The following CTNNA2 variants were observed in gnomAD, a reference collection of about 807,000 sequenced individuals.
CTNNA2 encodes catenin alpha-2.
Under a neutral mutation model 101.0 loss-of-function variants are expected in CTNNA2, and 42 were observed. The ratio of observed to expected loss-of-function variants is 0.42; its 90% CI spans 0.32 to 0.54. The LOEUF (loss-of-function observed/expected upper bound fraction) is 0.54. Ranked by LOEUF, CTNNA2 falls within the 20% of genes least tolerant of loss-of-function variation. The pLI, the probability that CTNNA2 is intolerant of heterozygous loss-of-function variation, is 0.14. For missense variants in CTNNA2, 871 were observed against 1,223.1 expected (o/e 0.71, Z 4.29); for synonymous variants, 450 against 456.4 (o/e 0.99, Z 0.18).
At chr2:79,597,788 T>G (rs1677298325) in intron 1 of CTNNA2, among the ~76,000 whole-genome samples, 2 of 152,176 alleles carry the variant, frequency 1.3e-5, no homozygotes, top group Non-Finnish European at 2.9e-5. Context: ...GATGCCCTAT[T>G]ATCATCCAAG....
chr2:79,593,966 G>T (rs532357783), intron 1 of CTNNA2, among the ~76,000 whole-genome samples: 1 of 124,548 alleles, frequency 8.0e-6, no homozygotes, highest in African/African-American at 3.1e-5. Context: ...TCAGCTCATT[G>T]CCACCTCGGC....
intron 4 of CTNNA2, among the ~76,000 whole-genome samples, chr2:79,409,782 G>T (rs1678386920): frequency 1.4e-5 from 2 of 144,920 alleles, no homozygotes; most frequent in African/African-American, 5.1e-5. Context: ...TGGTGATGCG[G>T]GCTCTTTTTT....
intron 7 of CTNNA2, among the ~76,000 whole-genome samples, chr2:79,965,649 C>G (rs188035462): frequency 6.6e-6 from 1 of 151,674 alleles, no homozygotes; most frequent in Non-Finnish European, 1.5e-5. Context: ...CATAGAGAAA[C>G]GCTGTCTCTA....
chr2:79,706,315 A>G (rs1013670164), intron 2 of CTNNA2, among the ~76,000 whole-genome samples: 12 of 146,000 alleles, frequency 8.2e-5, no homozygotes, highest in African/African-American at 3.1e-4. Context: ...GTGAGCCGAG[A>G]TCACGCCACT....
At chr2:80,269,965 G>T (rs1019056321) in intron 7 of CTNNA2, among the ~76,000 whole-genome samples, 22 of 152,174 alleles carry the variant, frequency 1.4e-4, no homozygotes, top group Non-Finnish European at 2.2e-4. Flanking sequence ...AACCTAGCAG[G>T]AGTCTCACCT....
At chr2:80,196,761 G>C (rs1004202840) in intron 7 of CTNNA2, among the ~76,000 whole-genome samples, 1 of 152,074 alleles carries the variant, frequency 6.6e-6, no homozygotes, top group Non-Finnish European at 1.5e-5. Context: ...ATAATTTTCT[G>C]TTCTCTCGTT....
chr2:79,220,556 G>A (rs1674328835), intron 2 of CTNNA2, among the ~76,000 whole-genome samples: 1 of 152,080 alleles, frequency 6.6e-6, no homozygotes, highest in South Asian at 2.1e-4. Flanking sequence ...CAAGTGAGAA[G>A]GGCCAGATGG....
At chr2:79,704,773 A>G (rs1225095992) in intron 2 of CTNNA2, among the ~76,000 whole-genome samples, 1 of 152,038 alleles carries the variant, frequency 6.6e-6, no homozygotes, top group Non-Finnish European at 1.5e-5. Context: ...TCGGCCTCCC[A>G]AAGTGTTCAC....
intron 4 of CTNNA2, among the ~76,000 whole-genome samples, chr2:79,423,893 CT>C: frequency 6.6e-6 from 1 of 152,108 alleles, no homozygotes; most frequent in Middle Eastern, 3.2e-3. Flanking sequence ...AGAACTCTGT[CT>C]TTCCTACTTG....
intron 9 of CTNNA2, among the ~76,000 whole-genome samples, chr2:80,529,820 A>C (rs999795561): frequency 1.3e-5 from 2 of 152,172 alleles, no homozygotes; most frequent in Non-Finnish European, 2.9e-5. Context: ...CCATTCACCC[A>C]GACTGATTCA....
chr2:79,289,369 A>T (rs1573038191), intron 2 of CTNNA2, among the ~76,000 whole-genome samples: 1 of 152,192 alleles, frequency 6.6e-6, no homozygotes, highest in East Asian at 1.9e-4. Context: ...ACAACAAAAG[A>T]TGTGAGTGTT....
chr2:79,961,548 C>T (rs62139975), intron 7 of CTNNA2, among the ~76,000 whole-genome samples: 23,807 of 152,162 alleles, frequency 0.16, 2,063 homozygotes, highest in Middle Eastern at 0.29. Context: ...CCCGGCCTGG[C>T]GTGGTGGCTC....
intron 1 of CTNNA2, among the ~76,000 whole-genome samples, chr2:79,638,632 T>A (rs2104404930): frequency 6.6e-6 from 1 of 152,332 alleles, no homozygotes; most frequent in East Asian, 1.9e-4. Flanking sequence ...TTAGATCCAG[T>A]GAATCAGCCA....
At chr2:80,484,806 A>G (rs1573005173) in intron 9 of CTNNA2, among the ~76,000 whole-genome samples, 1 of 152,128 alleles carries the variant, frequency 6.6e-6, no homozygotes, top group East Asian at 1.9e-4. Context: ...GGAGATCGAG[A>G]CCATCCTGGC....
chr2:80,544,520 C>T (rs969836586), intron 9 of CTNNA2, among the ~76,000 whole-genome samples: 2 of 151,984 alleles, frequency 1.3e-5, no homozygotes, highest in African/African-American at 2.4e-5. Context: ...TCAGGCAGAT[C>T]GGGTATTTTG....
At chr2:80,272,328 C>T (rs1000681826) in intron 7 of CTNNA2, among the ~76,000 whole-genome samples, 14 of 152,264 alleles carry the variant, frequency 9.2e-5, no homozygotes, top group Admixed American at 2.0e-4. Flanking sequence ...ACAAAAATAC[C>T]GTTCCATCTG....
At chr2:79,405,894 C>A (rs1189190190) in intron 4 of CTNNA2, among the ~76,000 whole-genome samples, 1 of 151,858 alleles carries the variant, frequency 6.6e-6, no homozygotes, top group African/African-American at 2.4e-5. Context: ...CTTACATAAG[C>A]ATTGTGGATG....
chr2:79,837,259 G>T (rs1232677726), intron 3 of CTNNA2, among the ~76,000 whole-genome samples: 4 of 152,148 alleles, frequency 2.6e-5, no homozygotes, highest in African/African-American at 9.7e-5. Flanking sequence ...ATGTTTGAGG[G>T]CAGGAAGCGT....
intron 15 of CTNNA2, among the ~76,000 whole-genome samples, chr2:80,599,365 G>A (rs919836513): frequency 2.6e-5 from 4 of 152,096 alleles, no homozygotes; most frequent in South Asian, 2.1e-4. Context: ...AAACCTATGC[G>A]ATGATAGCAT....
Sources: allele counts gnomAD v4.1 joint callset (sites outside exome capture counted in the v4.1 genomes callset), GRCh38; gene constraint gnomAD v4.1.1; transcripts MANE v1.5; gene names NCBI Gene and HGNC (gene_info 2026-07-23, HGNC 2026-07-21).